The following KSR2 variants were observed in gnomAD, a reference collection of about 807,000 sequenced individuals.
KSR2 encodes kinase suppressor of ras 2.
A neutral mutation model predicts 107.8 loss-of-function variants in KSR2; 25 were observed. That is an observed-to-expected ratio of 0.23 (90% CI 0.17 to 0.32). The LOEUF is 0.32. Among genes scored for constraint, KSR2 ranks in the 10% least tolerant of loss-of-function variants. The pLI, the probability that KSR2 is intolerant of heterozygous loss-of-function variation, is 1.00. For missense variants in KSR2, 887 were observed against 1,268.9 expected, an observed-to-expected ratio of 0.70 and a Z score of 4.57; for synonymous variants, 480 against 507.0, an observed-to-expected ratio of 0.95 and a Z score of 0.71.
At chr12:117,622,443 A>C (rs765796004) in intron 5 of KSR2, among the ~76,000 whole-genome samples, 6 of 152,168 alleles carry the variant, frequency 3.9e-5, no homozygotes, top group Non-Finnish European at 8.8e-5. Context: ...TACTTTATTC[A>C]ACTGGCATCT....
rs376599813 is a variant in KSR2 at position 117,507,160 on chromosome 12, T to C, written c.2219+17692A>G. ...CTTTCACCTACATGGTTTAATCTAC[T>C]GCCTGAACTCTGTGGGATGGGCAGC... On this transcript the variant is annotated intron_variant, in intron 14 of 19. Transcript: ENST00000339824. 2.0e-5 allele frequency among the ~76,000 whole-genome samples: 3 copies of C among 152,346 alleles called. No individual in the cohort carries two copies. The East Asian group carries it at 5.8e-4, about 29-fold the overall frequency.
intron 1 of KSR2, among the ~76,000 whole-genome samples, chr12:117,888,947 G>C (rs1287936287): frequency 6.6e-6 from 1 of 152,118 alleles, no homozygotes; most frequent in Non-Finnish European, 1.5e-5. Flanking sequence ...CCACTGAACT[G>C]TAAACTCAAA....
chr12:117,715,165 G>C (rs184274560), intron 4 of KSR2, among the ~76,000 whole-genome samples: 10 of 152,182 alleles, frequency 6.6e-5, no homozygotes, highest in African/African-American at 2.4e-4. Context: ...TTATTAAAGG[G>C]CACAGTCTAA....
At position 117,466,903 on chromosome 12, in the gene KSR2, C is replaced by T. The variant is rs56981746; in HGVS notation, c.*296G>A. On this transcript the variant is annotated 3_prime_UTR_variant, in exon 20 of 20. Coordinates refer to ENST00000339824, the MANE Select transcript of KSR2 (RefSeq NM_173598.6). ...CTAGTCCCATAGCCCAAAGGCACCA[C>T]GTGCAGCCTGCAGTGCTCTCATTAG... 2.0e-3 allele frequency: 724 copies of T among 361,334 alleles called. 3 individuals are homozygous for T. Among genetic ancestry groups the T allele is most frequent in the African/African-American group, 0.013 (620 of 47,958 alleles). The allele number at this position is 361,334 out of a possible 1,614,324, so 22.4% of individuals were successfully genotyped here.
At chr12:117,793,703 C>G (rs1431018537) in intron 3 of KSR2, among the ~76,000 whole-genome samples, 1 of 145,238 alleles carries the variant, frequency 6.9e-6, no homozygotes, top group South Asian at 2.3e-4. Flanking sequence ...ATACAACATG[C>G]ACACACCATG....
At chr12:117,921,679 C>T (rs1021223675) in intron 1 of KSR2, among the ~76,000 whole-genome samples, 12 of 152,186 alleles carry the variant, frequency 7.9e-5, no homozygotes, top group African/African-American at 2.9e-4. Context: ...CTCAGAGCTG[C>T]TGTTAAGAAC....
intron 3 of KSR2, among the ~76,000 whole-genome samples, chr12:117,798,386 A>T (rs997764393): frequency 3.9e-5 from 6 of 152,208 alleles, no homozygotes; most frequent in African/African-American, 1.4e-4. Context: ...TCATCCCAGC[A>T]CTTTGGGAGG....
At chr12:117,539,967 A>T in intron 9 of KSR2, 80 bp from the exon 10 acceptor site, 3 of 1,207,164 alleles carry the variant, frequency 2.5e-6, no homozygotes, top group Non-Finnish European at 3.5e-6. Context: ...TGAGCAGGAG[A>T]GGCCCCCACC....
chr12:117,909,570 T>TA (rs1285244608), intron 1 of KSR2, among the ~76,000 whole-genome samples: 2 of 152,144 alleles, frequency 1.3e-5, no homozygotes, highest in Non-Finnish European at 2.9e-5. Flanking sequence ...CATAGCACAT[T>TA]AAGTCATATC....
chr12:117,936,527 T>G (rs7307398), intron 1 of KSR2, among the ~76,000 whole-genome samples: 38,154 of 118,976 alleles, frequency 0.32, 5,345 homozygotes, highest in Middle Eastern at 0.43. Context: ...ATTATTATTA[T>G]TATTATTAGT....
At chr12:117,515,197 G>A (rs1332817173) in intron 14 of KSR2, among the ~76,000 whole-genome samples, 1 of 152,150 alleles carries the variant, frequency 6.6e-6, no homozygotes, top group African/African-American at 2.4e-5. Flanking sequence ...AGTGAGTGGG[G>A]AAATACTCCT....
chr12:117,578,710 T>C (rs1473131040), intron 7 of KSR2, among the ~76,000 whole-genome samples: 1 of 152,166 alleles, frequency 6.6e-6, no homozygotes, highest in African/African-American at 2.4e-5. Context: ...AGTCTGTTTT[T>C]GCAAATAAAG....
At position 117,755,393 on chromosome 12, in the gene KSR2, C is replaced by A. The variant is rs530780034; in HGVS notation, c.986+5618G>T. Among the ~76,000 whole-genome samples the A allele has an allele frequency of 5.0e-4, 76 of 152,342 alleles. 1 individual carries two copies. The South Asian group carries it at 7.7e-3, about 15-fold the overall frequency. On this transcript the variant is annotated intron_variant, in intron 4 of 19. Coordinates refer to ENST00000339824, the MANE Select transcript of KSR2 (RefSeq NM_173598.6). The stretch of plus-strand genomic sequence containing the variant: ...TCATGCCTCTGTGTCACATTTTGGT[C>A]ATTCTAGCAATATTTCTAACTTTTT...
At chr12:117,517,874 A>G (rs1316700621) in intron 14 of KSR2, 1 of 456,034 alleles carries the variant, frequency 2.2e-6, no homozygotes, top group Non-Finnish European at 4.4e-6. Context: ...CAAAAATTAG[A>G]AAGACCACAA....
At chr12:117,768,685 T>C (rs1248482864) in intron 3 of KSR2, among the ~76,000 whole-genome samples, 1 of 151,792 alleles carries the variant, frequency 6.6e-6, no homozygotes, top group Non-Finnish European at 1.5e-5. Flanking sequence ...GTTATGGCAG[T>C]GGAGATAGAG....
At chr12:117,522,840 G>A (rs1161844114) in intron 14 of KSR2, among the ~76,000 whole-genome samples, 1 of 152,142 alleles carries the variant, frequency 6.6e-6, no homozygotes, top group Non-Finnish European at 1.5e-5. Context: ...TTGACCCAGA[G>A]CTGACCACAG....
chr12:117,832,112 C>A (rs574663420), intron 3 of KSR2, among the ~76,000 whole-genome samples: 1 of 152,238 alleles, frequency 6.6e-6, no homozygotes, highest in East Asian at 1.9e-4. Context: ...TGGTGAAACC[C>A]CGTCTCTACT....
intron 3 of KSR2, among the ~76,000 whole-genome samples, chr12:117,777,744 T>C (rs1223608662): frequency 6.6e-6 from 1 of 152,100 alleles, no homozygotes; most frequent in Non-Finnish European, 1.5e-5. Context: ...AAATATTAAT[T>C]TTTGGCCAGG....
chr12:117,551,274 C>G (rs1402246988), intron 9 of KSR2, among the ~76,000 whole-genome samples: 1 of 152,012 alleles, frequency 6.6e-6, no homozygotes, highest in Non-Finnish European at 1.5e-5. Flanking sequence ...TCCTCTTCCT[C>G]CTTCCTTTCC....
Sources: allele counts gnomAD v4.1 joint callset (sites outside exome capture counted in the v4.1 genomes callset), GRCh38; gene constraint gnomAD v4.1.1; transcripts MANE v1.5; gene names NCBI Gene and HGNC (gene_info 2026-07-23, HGNC 2026-07-21).